NBAS: variants seen among roughly 807,000 people sequenced by gnomAD.
NBAS encodes NAG/BC035112 fusion.
In NBAS, 219 loss-of-function variants were observed where a neutral mutation model predicts 302.5. The observed-to-expected ratio is 0.72, with a 90% CI of 0.65 to 0.81. The LOEUF (loss-of-function observed/expected upper bound fraction) is 0.81. Ranked by LOEUF, NBAS falls within the 30% of genes least tolerant of loss-of-function variation. NBAS has a pLI of 0.00. For missense variants in NBAS, 2,932 were observed against 2,841.6 expected (o/e 1.03, Z -0.72); for synonymous variants, 1,118 against 1,021.6 (o/e 1.09, Z -1.80).
At chr2:14,977,202 A>G in the NBAS span, among the ~76,000 whole-genome samples, 4 of 152,352 alleles carry the variant, frequency 2.6e-5, no homozygotes, top group Non-Finnish European at 4.4e-5. Context: ...AAGGAGCAAG[A>G]AAATGTGAAC....
chr2:14,980,901 T>G, the NBAS span, among the ~76,000 whole-genome samples: 28 of 149,610 alleles, frequency 1.9e-4, no homozygotes, highest in Non-Finnish European at 3.8e-4. Context: ...TGTTGAAACT[T>G]AATAACTACA....
At chr2:15,075,315 C>T in the NBAS span, among the ~76,000 whole-genome samples, 1 of 152,186 alleles carries the variant, frequency 6.6e-6, no homozygotes, top group Non-Finnish European at 1.5e-5. Flanking sequence ...TACCCTGCCC[C>T]CTGCCCTGCA....
At chr2:14,998,744 G>A in the NBAS span, among the ~76,000 whole-genome samples, 1 of 152,082 alleles carries the variant, frequency 6.6e-6, no homozygotes, top group Middle Eastern at 3.4e-3. Context: ...GTTGCTATGG[G>A]AACCATCCTG....
At chr2:14,887,320 C>T in the NBAS span, among the ~76,000 whole-genome samples, 2 of 148,166 alleles carry the variant, frequency 1.3e-5, no homozygotes, top group South Asian at 4.3e-4. Context: ...AGGAGAATTG[C>T]TTGAACCAGG....
chr2:15,556,355 T>C (rs1209702648), intron 3 of NBAS, among the ~76,000 whole-genome samples: 2 of 152,212 alleles, frequency 1.3e-5, no homozygotes, highest in Admixed American at 6.5e-5. Flanking sequence ...CCTGCAAATA[T>C]ACTTAACACT....
At chr2:15,031,298 C>G in the NBAS span, among the ~76,000 whole-genome samples, 1 of 152,194 alleles carries the variant, frequency 6.6e-6, no homozygotes, top group East Asian at 1.9e-4. Flanking sequence ...TTTAGCATCT[C>G]TAAGCCTCAA....
intron 21 of NBAS, among the ~76,000 whole-genome samples, chr2:15,460,267 T>C (rs1245041797): frequency 6.6e-6 from 1 of 152,196 alleles, no homozygotes; most frequent in Non-Finnish European, 1.5e-5. Context: ...ATTATAATTA[T>C]CAATTCTGGT....
chr2:15,547,813 G>A (rs1222795855), intron 6 of NBAS, among the ~76,000 whole-genome samples: 1 of 152,064 alleles, frequency 6.6e-6, no homozygotes, highest in African/African-American at 2.4e-5. Context: ...TTTAAGCAAG[G>A]CCTGGTCTAC....
chr2:14,909,366 T>TAAAAACAAAAAAAAAAAA, the NBAS span, among the ~76,000 whole-genome samples: 1 of 78,582 alleles, frequency 1.3e-5, no homozygotes, highest in African/African-American at 5.5e-5. Flanking sequence ...GGAGAGTTTC[T>TAAAAACAAAAAAAAAAAA]AAAAAAAAAA....
At chr2:15,098,830 C>T in the NBAS span, among the ~76,000 whole-genome samples, 1 of 150,192 alleles carries the variant, frequency 6.7e-6, no homozygotes, top group Non-Finnish European at 1.5e-5. Flanking sequence ...CATTCATTTA[C>T]ATATTGTCTG....
At chr2:15,531,101 A>AT (rs1663192281) in intron 9 of NBAS, among the ~76,000 whole-genome samples, 4 of 152,242 alleles carry the variant, frequency 2.6e-5, no homozygotes, top group Admixed American at 2.6e-4. Context: ...ACATGAAGAT[A>AT]AAATAAAGCC....
the NBAS span, among the ~76,000 whole-genome samples, chr2:14,852,713 C>T: frequency 1.6e-3 from 237 of 149,000 alleles, no homozygotes; most frequent in African/African-American, 5.7e-3. Context: ...GGGACTGGTA[C>T]CAAAACAGAG....
intron 19 of NBAS, among the ~76,000 whole-genome samples, chr2:15,462,115 C>A (rs1287137563): frequency 6.6e-6 from 1 of 152,186 alleles, no homozygotes; most frequent in Non-Finnish European, 1.5e-5. Context: ...ATTATGAGCA[C>A]CTGAACCTCT....
the NBAS span, among the ~76,000 whole-genome samples, chr2:14,919,098 C>T: frequency 8.6e-4 from 130 of 152,044 alleles, no homozygotes; most frequent in East Asian, 0.017. Context: ...TAATTTTGCA[C>T]CTATGGAATA....
chr2:15,459,604 C>T (rs1398776982), intron 21 of NBAS, among the ~76,000 whole-genome samples: 2 of 151,024 alleles, frequency 1.3e-5, no homozygotes, highest in Non-Finnish European at 2.9e-5. Context: ...CTCAGCCTCC[C>T]AAGTAGCTGG....
Position 15,395,751 on chromosome 2 carries a change from C to G in NBAS, c.3134+662G>C, listed in dbSNP as rs183111581. On this transcript the variant is annotated intron_variant, in intron 27 of 51. Transcript: ENST00000281513. ...TATTGGAAGACCACAGTTTATTATT[C>G]TTAAAATTTTACTTTTAATACAATA... 7.2e-5 allele frequency among the ~76,000 whole-genome samples: 11 copies of G among 152,028 alleles called. 1 individual carries two copies. In the South Asian group the frequency reaches 1.5e-3, roughly 20 times the overall value.
intron 33 of NBAS, among the ~76,000 whole-genome samples, chr2:15,354,256 G>C (rs998408895): frequency 2.6e-5 from 4 of 152,182 alleles, no homozygotes; most frequent in Non-Finnish European, 4.4e-5. Context: ...TCACTTTATA[G>C]ATAAGACAGA....
intron 9 of NBAS, among the ~76,000 whole-genome samples, chr2:15,527,014 T>C (rs917687353): frequency 4.8e-5 from 7 of 146,354 alleles, no homozygotes; most frequent in Non-Finnish European, 7.5e-5. Context: ...ATCAAGAGAG[T>C]GGAGTAGTCA....
intron 23 of NBAS, among the ~76,000 whole-genome samples, chr2:15,421,782 A>T (rs542616591): frequency 6.6e-6 from 1 of 152,300 alleles, no homozygotes; most frequent in African/African-American, 2.4e-5. Context: ...GTTATTTACA[A>T]ATTAAAGTTT....
Sources: allele counts gnomAD v4.1 joint callset (sites outside exome capture counted in the v4.1 genomes callset), GRCh38; gene constraint gnomAD v4.1.1; transcripts MANE v1.5; gene names NCBI Gene and HGNC (gene_info 2026-07-23, HGNC 2026-07-21).